The following CTNNA2 variants were observed in gnomAD, a reference collection of about 807,000 sequenced individuals.
The protein encoded by CTNNA2 is catenin alpha-2.
Under a neutral mutation model 101.0 loss-of-function variants are expected in CTNNA2, and 42 were observed. The ratio of observed to expected loss-of-function variants is 0.42; its 90% CI spans 0.32 to 0.54. The LOEUF (loss-of-function observed/expected upper bound fraction) is 0.54. Ranked by LOEUF, CTNNA2 falls within the 20% of genes least tolerant of loss-of-function variation. The probability of loss-of-function intolerance (pLI) is 0.14; values close to 1 mark genes in which losing one functional copy is unlikely to be tolerated. For missense variants in CTNNA2, 871 were observed against 1,223.1 expected (o/e 0.71, Z 4.29); for synonymous variants, 450 against 456.4 (o/e 0.99, Z 0.18).
rs972627500 is a variant in CTNNA2 at position 80,545,175 on chromosome 2, G to C, written c.1383+101G>C. ...TTCTCTATTTCCTCTTGCTGAAAAA[G>C]GCTACTCATCATTTATGAGCTGTTT... On this transcript the variant is annotated intron_variant, in intron 10 of 18. Transcript: ENST00000402739. 3 of 1,101,684 alleles carry C rather than the reference G, an allele frequency of 2.7e-6. No individual in the cohort carries two copies. In the African/African-American group the frequency reaches 4.7e-5, roughly 17 times the overall value. The allele number at this position is 1,101,684 out of a possible 1,614,324, so 68.2% of individuals were successfully genotyped here. A position where few individuals can be genotyped will look rare whatever the true frequency, so the allele number is the denominator to read the frequency against.
intron 9 of CTNNA2, among the ~76,000 whole-genome samples, chr2:80,497,838 G>A (rs958910200): frequency 1.3e-5 from 2 of 152,074 alleles, no homozygotes; most frequent in South Asian, 4.1e-4. Context: ...GGGAAGCTTC[G>A]TCCTATAACT....
At chr2:79,904,023 T>C (rs1184785953) in intron 6 of CTNNA2, among the ~76,000 whole-genome samples, 1 of 152,182 alleles carries the variant, frequency 6.6e-6, no homozygotes, top group African/African-American at 2.4e-5. Flanking sequence ...TCTCTTGTAA[T>C]ATTTTTCATA....
intron 9 of CTNNA2, among the ~76,000 whole-genome samples, chr2:80,468,425 TTTA>T (rs1180119876): frequency 6.6e-6 from 1 of 150,406 alleles, no homozygotes; most frequent in Admixed American, 6.6e-5. Flanking sequence ...TATTTATTTA[TTTA>T]TTTTTTTTGA....
In CTNNA2 at chr2:79,548,914, A is replaced by G. The variant is rs186994492; in HGVS notation, c.-6+35707A>G. On this transcript the variant is annotated intron_variant, in intron 1 of 18. Transcript: ENST00000402739. ...CTGTTCATCATGTACCCAACTCCCA[A>G]TCCCAGGCACTTGAGCTGACCCCTG... Among the ~76,000 whole-genome samples the G allele has an allele frequency of 5.3e-5, 8 of 152,176 alleles. No individual in the cohort carries two copies. In the East Asian group the frequency reaches 1.4e-3, roughly 26 times the overall value.
chr2:80,050,321 T>G (rs1696795619), intron 7 of CTNNA2, among the ~76,000 whole-genome samples: 1 of 152,208 alleles, frequency 6.6e-6, no homozygotes, highest in South Asian at 2.1e-4. Flanking sequence ...TGTATTTGTT[T>G]CACTTACTGA....
intron 2 of CTNNA2, among the ~76,000 whole-genome samples, chr2:79,660,599 TC>T (rs1199089712): frequency 6.6e-6 from 1 of 152,176 alleles, no homozygotes; most frequent in Non-Finnish European, 1.5e-5. Context: ...TGGAAACACT[TC>T]TTTGAATTGA....
At chr2:79,326,648 G>C (rs1312275857) in intron 3 of CTNNA2, among the ~76,000 whole-genome samples, 1 of 152,132 alleles carries the variant, frequency 6.6e-6, no homozygotes, top group Non-Finnish European at 1.5e-5. Flanking sequence ...GTTTTCTAAA[G>C]TGACTCTCAC....
intron 1 of CTNNA2, among the ~76,000 whole-genome samples, chr2:79,519,740 T>G (rs1483314490): frequency 1.3e-5 from 2 of 152,184 alleles, no homozygotes; most frequent in Admixed American, 6.5e-5. Context: ...AAATTTAGCT[T>G]CACAGTCTCT....
rs1452506300 is a variant in CTNNA2 at position 79,246,708 on chromosome 2, C to A, written c.-406+48632C>A. ...TGGTTTGATTTTATAAAATTAAGGA[C>A]CCACACTAAGTGTGATGATGAATAG... On this transcript the variant is annotated intron_variant, in intron 2 of 21. Transcript: ENST00000466387. 2.6e-5 allele frequency among the ~76,000 whole-genome samples: 4 copies of A among 152,314 alleles called. No homozygotes were observed. In the East Asian group the frequency reaches 7.7e-4, roughly 29 times the overall value.
chr2:80,211,316 C>T (rs949705603), intron 7 of CTNNA2, among the ~76,000 whole-genome samples: 3 of 152,084 alleles, frequency 2.0e-5, no homozygotes, highest in Non-Finnish European at 2.9e-5. Flanking sequence ...AATGGTATTG[C>T]CTAGGTTTTC....
At chr2:80,326,042 G>A (rs1679210063) in intron 7 of CTNNA2, among the ~76,000 whole-genome samples, 1 of 152,168 alleles carries the variant, frequency 6.6e-6, no homozygotes, top group Admixed American at 6.5e-5. Context: ...AAATCTGGAA[G>A]CAATGACTAG....
intron 1 of CTNNA2, among the ~76,000 whole-genome samples, chr2:79,573,211 G>A (rs188917346): frequency 6.6e-6 from 1 of 152,286 alleles, no homozygotes; most frequent in East Asian, 1.9e-4. Context: ...TGTAAAGCAA[G>A]AGAATGCTAT....
rs1248064280 is a variant in CTNNA2, at chr2:79,553,227, T to C, written c.-6+40020T>C. On this transcript the variant is annotated intron_variant, in intron 1 of 18. Transcript: ENST00000402739. ...TTTCCAAATATGTTCCTTCTCTCCATTGAGACCTCATCAGCTTGGCCATCT... is the reference window on the plus strand; with the variant it reads ...TTTCCAAATATGTTCCTTCTCTCCACTGAGACCTCATCAGCTTGGCCATCT... Among the ~76,000 whole-genome samples the C allele has an allele frequency of 2.6e-5, 4 of 152,288 alleles. No homozygotes were observed. The East Asian group carries it at 7.8e-4, about 30-fold the overall frequency.
Position 79,350,104 on chromosome 2 carries a change from G to C in CTNNA2, c.-317-23727G>C, listed in dbSNP as rs533434505. Among the ~76,000 whole-genome samples, 3 of 149,004 alleles carry C rather than the reference G, an allele frequency of 2.0e-5. No homozygotes were observed. In the South Asian group the frequency reaches 6.4e-4, roughly 32 times the overall value. Reference sequence around the variant, plus strand: ...AAAAAAAAAAAAAAAAAAAAATGAGGTCAAGTTAATATACCAGAAATTTTT... The same window carrying C: ...AAAAAAAAAAAAAAAAAAAAATGAGCTCAAGTTAATATACCAGAAATTTTT... On this transcript the variant is annotated intron_variant, in intron 3 of 21. Transcript: ENST00000466387.
intron 7 of CTNNA2, among the ~76,000 whole-genome samples, chr2:80,129,260 C>A (rs1259754058): frequency 1.3e-5 from 2 of 152,150 alleles, no homozygotes; most frequent in Non-Finnish European, 2.9e-5. Context: ...GATGGGAAGG[C>A]CCTGAACAAA....
At chr2:80,384,942 T>C (rs1053192684) in intron 7 of CTNNA2, among the ~76,000 whole-genome samples, 6 of 152,054 alleles carry the variant, frequency 3.9e-5, no homozygotes, top group Non-Finnish European at 7.4e-5. Flanking sequence ...TGAATAAACA[T>C]GGAGGCATTT....
chr2:79,470,502 T>C (rs1219470141), intron 4 of CTNNA2, among the ~76,000 whole-genome samples: 1 of 152,208 alleles, frequency 6.6e-6, no homozygotes, highest in Non-Finnish European at 1.5e-5. Context: ...AGTACTTTCT[T>C]TAGCTTTAGA....
intron 7 of CTNNA2, among the ~76,000 whole-genome samples, chr2:80,277,553 G>A (rs866909600): frequency 2.1e-3 from 177 of 83,626 alleles, no homozygotes; most frequent in South Asian, 3.2e-3. Flanking sequence ...AAGGATTTCT[G>A]AAAAAAAAAA....
At chr2:79,740,346 C>G (rs1671203397) in intron 2 of CTNNA2, among the ~76,000 whole-genome samples, 1 of 152,122 alleles carries the variant, frequency 6.6e-6, no homozygotes, top group Non-Finnish European at 1.5e-5. Flanking sequence ...CTTTTTTAAG[C>G]AACAAATTTT....
Sources: gnomAD v4.1 joint callset for allele counts (sites outside exome capture counted in the v4.1 genomes callset) on GRCh38, gnomAD v4.1.1 for gene constraint, MANE v1.5 for transcripts, NCBI Gene and HGNC (gene_info 2026-07-23, HGNC 2026-07-21) for gene names.